The following PSEN1 variants were observed in gnomAD, a reference collection of about 807,000 sequenced individuals.
PSEN1 encodes presenilin 1.
A neutral mutation model predicts 53.5 loss-of-function variants in PSEN1; 15 were observed. That is an observed-to-expected ratio of 0.28 (90% CI 0.19 to 0.43). The LOEUF (loss-of-function observed/expected upper bound fraction) is 0.43. Among genes scored for constraint, PSEN1 ranks in the 20% least tolerant of loss-of-function variants. PSEN1 has a pLI of 1.00. For missense variants in PSEN1, 387 were observed against 571.2 expected (o/e 0.68, Z 3.29); for synonymous variants, 208 against 209.8 (o/e 0.99, Z 0.08).
chr14:73,208,321 G>A (rs1899537733), intron 9 of PSEN1, among the ~76,000 whole-genome samples: 1 of 152,220 alleles, frequency 6.6e-6, no homozygotes, highest in Admixed American at 6.5e-5. Context: ...TGGACAGCTG[G>A]AGGGAGAGCA....
intron 10 of PSEN1, among the ~76,000 whole-genome samples, chr14:73,214,961 T>G (rs1430083282): frequency 1.3e-5 from 2 of 151,896 alleles, no homozygotes; most frequent in African/African-American, 4.8e-5. Context: ...ACAGTTAAAT[T>G]TTTATTATTT....
At chr14:73,181,858 A>G (rs542428553) in intron 5 of PSEN1, among the ~76,000 whole-genome samples, 3 of 152,122 alleles carry the variant, frequency 2.0e-5, no homozygotes, top group Non-Finnish European at 4.4e-5. Context: ...ACTGCACCCT[A>G]TACCTCCTGG....
intron 5 of PSEN1, chr14:73,174,173 G>A (rs1343351643): frequency 1.6e-5 from 3 of 189,752 alleles, no homozygotes; most frequent in African/African-American, 7.1e-5. Flanking sequence ...AACAAAAAAA[G>A]TTGTAACTGA....
chr14:73,165,467 T>G (rs1475635153), intron 3 of PSEN1, among the ~76,000 whole-genome samples: 2 of 151,454 alleles, frequency 1.3e-5, no homozygotes, highest in Non-Finnish European at 2.9e-5. Context: ...GTGTCTGGGC[T>G]GGGCGCAGTG....
At chr14:73,214,517 C>T (rs1179885994) in intron 10 of PSEN1, among the ~76,000 whole-genome samples, 7 of 139,638 alleles carry the variant, frequency 5.0e-5, no homozygotes, top group Admixed American at 1.5e-4. Context: ...GCAACAAGAG[C>T]GAAACTCCAT....
In PSEN1 at chr14:73,173,554, G is replaced by C. The variant is rs1283558993; in HGVS notation, c.339-12G>C. On this transcript the variant is annotated splice_polypyrimidine_tract_variant and intron_variant, in intron 4 of 11. Transcript: ENST00000324501. ...ACACTGACCTAGGGCTTTTGTGTTT[G>C]TTTTATTGTAGAATCTATACCCCAT... The C allele has an allele frequency of 6.2e-7, 1 of 1,613,712 alleles. No homozygotes were observed. Among genetic ancestry groups the C allele is most frequent in the Non-Finnish European group, 8.5e-7 (1 of 1,179,716 alleles).
chr14:73,173,742 T>C, intron 5 of PSEN1, 35 bp downstream of exon 5: 1 of 1,609,762 alleles, frequency 6.2e-7, no homozygotes. Context: ...CTTTCCACCC[T>C]GTTCTTCTTA....
intron 8 of PSEN1, among the ~76,000 whole-genome samples, chr14:73,205,010 G>C (rs1899393428): frequency 6.6e-6 from 1 of 152,166 alleles, no homozygotes; most frequent in Non-Finnish European, 1.5e-5. Flanking sequence ...ATTTGGTTGG[G>C]TTATCCTATA....
intron 8 of PSEN1, among the ~76,000 whole-genome samples, chr14:73,205,073 TTG>T (rs1483305504): frequency 5.3e-5 from 8 of 152,290 alleles, no homozygotes; most frequent in Middle Eastern, 3.4e-3. Context: ...GCTTCTTTGA[TTG>T]TGTGTTTCTT....
chr14:73,179,653 C>T (rs1402291113), intron 5 of PSEN1, among the ~76,000 whole-genome samples: 1 of 152,156 alleles, frequency 6.6e-6, no homozygotes, highest in Non-Finnish European at 1.5e-5. Context: ...TTTACACTGT[C>T]TGGGTGTTAG....
At chr14:73,199,329 CTT>C (rs1178508877) in intron 8 of PSEN1, among the ~76,000 whole-genome samples, 8 of 152,142 alleles carry the variant, frequency 5.3e-5, no homozygotes, top group Non-Finnish European at 2.9e-5. Context: ...AAGGGTCAAA[CTT>C]TGTCAACTAC....
In PSEN1 at chr14:73,202,372, TACTC is replaced by T. The variant is rs1341059279; in HGVS notation, c.869-4012_869-4009del. Among the ~76,000 whole-genome samples, 9 of 131,166 alleles carry T rather than the reference TACTC, an allele frequency of 6.9e-5. No individual in the cohort carries two copies. The South Asian group carries it at 2.3e-3, about 33-fold the overall frequency. 86.0% of individuals were successfully genotyped at this position (131,166 alleles called of 152,430 possible). On this transcript the variant is annotated intron_variant, in intron 8 of 11. Transcript: ENST00000324501. ...ACATTAAACATGTATGTTAATTTAA[TACTC>T]AGAAAGAAGCATTTACTCTGTTTTA...
rs536418266 is a variant in PSEN1 at position 73,205,636 on chromosome 14, T to C, written c.869-750T>C. Among the ~76,000 whole-genome samples, 4 of 152,338 alleles carry C rather than the reference T, an allele frequency of 2.6e-5. No individual in the cohort carries two copies. In the South Asian group the frequency reaches 8.3e-4, roughly 32 times the overall value. On this transcript the variant is annotated intron_variant, in intron 8 of 11. Coordinates refer to ENST00000324501, the MANE Select transcript of PSEN1 (RefSeq NM_000021.4). ...TCAGGATAAGTTCCAAAATGTAATA[T>C]TGCTGGGTTAAAGGATTAATGCACA...
rs1017247975 is a variant in PSEN1, at chr14:73,170,997, C to T, written c.288C>T (p.Val96=). Reference sequence around the variant, plus strand: ...CTGTGACTCTCTGCATGGTGGTGGTCGTGGCTACCATTAAGTCAGTCAGCT... The same window carrying T: ...CTGTGACTCTCTGCATGGTGGTGGTTGTGGCTACCATTAAGTCAGTCAGCT... ...FVPVTLCMVV[V]VATIKSVSFY... The change falls in exon 4 of 12, where the codon GTC becomes GTT. Residue 96 remains valine (V), a synonymous_variant. Coordinates refer to ENST00000324501, the MANE Select transcript of PSEN1 (RefSeq NM_000021.4). 6.2e-7 allele frequency: 1 copy of T among 1,614,118 alleles called. No individual in the cohort carries two copies. Among genetic ancestry groups the T allele is most frequent in the South Asian group, 1.1e-5 (1 of 91,054 alleles).
At chr14:73,139,288 TA>T (rs976149156) in intron 1 of PSEN1, 1 of 138,662 alleles carries the variant, frequency 7.2e-6, no homozygotes, top group Non-Finnish European at 1.5e-5. Context: ...GTTTTTTTTT[TA>T]AAAAAAGGCT....
chr14:73,200,289 T>C (rs1204890080), intron 8 of PSEN1, among the ~76,000 whole-genome samples: 3 of 152,042 alleles, frequency 2.0e-5, no homozygotes, highest in Non-Finnish European at 4.4e-5. Context: ...TGTGTGTGTG[T>C]GAGACAGTCT....
intron 9 of PSEN1, among the ~76,000 whole-genome samples, chr14:73,208,179 T>C (rs952706741): frequency 1.3e-5 from 2 of 152,104 alleles, no homozygotes; most frequent in African/African-American, 4.8e-5. Flanking sequence ...ACTCCTCTCT[T>C]CTCTCCTTCT....
At chr14:73,219,024 A>G in intron 11 of PSEN1, 110 bp from the exon 12 acceptor site, 1 of 1,214,722 alleles carries the variant, frequency 8.2e-7, no homozygotes, top group South Asian at 1.2e-5. Context: ...TAACCCCAAA[A>G]GGAAAATATT....
chr14:73,164,823 T>C (rs1300581552), intron 3 of PSEN1, among the ~76,000 whole-genome samples: 3 of 152,204 alleles, frequency 2.0e-5, no homozygotes, highest in Non-Finnish European at 4.4e-5. Context: ...TTAGTTGGAG[T>C]ACCCTATGCA....
Sources: gnomAD v4.1 joint callset for allele counts (sites outside exome capture counted in the v4.1 genomes callset) on GRCh38, gnomAD v4.1.1 for gene constraint, MANE v1.5 for transcripts, NCBI Gene and HGNC (gene_info 2026-07-23, HGNC 2026-07-21) for gene names.